The following SYT1 variants were observed in gnomAD, a reference collection of about 807,000 sequenced individuals.
SYT1 encodes the protein synaptotagmin-1.
SYT1 carries 8 observed loss-of-function variants against 44.8 expected under a neutral mutation model. The ratio of observed to expected loss-of-function variants is 0.18; its 90% CI spans 0.10 to 0.32. The LOEUF is 0.32. Ranked by LOEUF, SYT1 falls within the 10% of genes least tolerant of loss-of-function variation. The probability of loss-of-function intolerance (pLI) is 1.00; values close to 1 mark genes in which losing one functional copy is unlikely to be tolerated. For synonymous variants in SYT1, 154 were observed against 188.8 expected, an observed-to-expected ratio of 0.82 and a Z score of 1.51; for missense variants, 286 against 509.3, an observed-to-expected ratio of 0.56 and a Z score of 4.22.
chr12:79,393,347 A>G (rs1884744341), intron 9 of SYT1: 1 of 152,158 alleles, frequency 6.6e-6, no homozygotes, highest in South Asian at 2.1e-4. Flanking sequence ...GTCAAATGGT[A>G]TTTCTAGTTC....
At chr12:79,263,101 C>T (rs189631471) in intron 4 of SYT1, among the ~76,000 whole-genome samples, 1 of 152,208 alleles carries the variant, frequency 6.6e-6, no homozygotes, top group Admixed American at 6.5e-5. Flanking sequence ...GTCTCCAATG[C>T]GTGATAGGAC....
At chr12:79,378,526 T>G (rs911213859) in intron 9 of SYT1, among the ~76,000 whole-genome samples, 1 of 152,232 alleles carries the variant, frequency 6.6e-6, no homozygotes, top group African/African-American at 2.4e-5. Flanking sequence ...GAGGTTAGTT[T>G]AGTGGCCTCA....
chr12:79,088,116 A>G (rs1477729288), intron 3 of SYT1, among the ~76,000 whole-genome samples: 1 of 150,852 alleles, frequency 6.6e-6, no homozygotes, highest in Non-Finnish European at 1.5e-5. Context: ...TGAGATTAAT[A>G]TGTTATTAAC....
chr12:79,312,291 T>G (rs983930000), intron 8 of SYT1, among the ~76,000 whole-genome samples: 1 of 152,196 alleles, frequency 6.6e-6, no homozygotes, highest in African/African-American at 2.4e-5. Context: ...AAATAAGGAC[T>G]TGATTGTCAG....
intron 3 of SYT1, among the ~76,000 whole-genome samples, chr12:79,187,205 C>T (rs1872851480): frequency 6.6e-6 from 1 of 151,968 alleles, no homozygotes; most frequent in Non-Finnish European, 1.5e-5. Context: ...GGCAATACAC[C>T]AGCGAAGAAT....
chr12:79,342,421 G>A (rs1382253559), intron 8 of SYT1, among the ~76,000 whole-genome samples: 1 of 152,114 alleles, frequency 6.6e-6, no homozygotes, highest in African/African-American at 2.4e-5. Context: ...TGTAGAGATA[G>A]AGTCTGGCTT....
At chr12:79,308,644 GAAAGAAAGAA>G (rs1880597355) in intron 8 of SYT1, among the ~76,000 whole-genome samples, 3 of 105,038 alleles carry the variant, frequency 2.9e-5, no homozygotes, top group African/African-American at 1.4e-4. Flanking sequence ...AAGAAAGAAA[GAAAGAAAGAA>G]AGAAAAGAGA....
chr12:79,026,562 T>C (rs1211974426), intron 2 of SYT1, among the ~76,000 whole-genome samples: 1 of 149,886 alleles, frequency 6.7e-6, no homozygotes, highest in African/African-American at 2.4e-5. Context: ...TTTTTAGCTA[T>C]TAGAATATAT....
intron 9 of SYT1, among the ~76,000 whole-genome samples, chr12:79,366,489 C>T (rs1035644065): frequency 6.6e-6 from 1 of 152,256 alleles, no homozygotes; most frequent in African/African-American, 2.4e-5. Flanking sequence ...TTAACAGTTA[C>T]TACAAGGCAA....
At chr12:78,967,389 A>G (rs902036127) in intron 1 of SYT1, among the ~76,000 whole-genome samples, 1 of 152,208 alleles carries the variant, frequency 6.6e-6, no homozygotes, top group Non-Finnish European at 1.5e-5. Flanking sequence ...GACATCAGTT[A>G]TGAAGCTAAA....
At chr12:79,373,761 C>A (rs531443977) in intron 9 of SYT1, among the ~76,000 whole-genome samples, 2 of 151,996 alleles carry the variant, frequency 1.3e-5, no homozygotes, top group South Asian at 2.1e-4. Flanking sequence ...TTTAGAGAAG[C>A]TTTTAGCCAG....
At chr12:79,252,866 T>C (rs1230072407) in intron 4 of SYT1, among the ~76,000 whole-genome samples, 5 of 152,146 alleles carry the variant, frequency 3.3e-5, no homozygotes, top group Non-Finnish European at 7.4e-5. Flanking sequence ...AGAAGGAAGT[T>C]CCAGAGCTAG....
chr12:79,293,987 C>T (rs909697930), intron 6 of SYT1, among the ~76,000 whole-genome samples: 1 of 152,058 alleles, frequency 6.6e-6, no homozygotes, highest in Non-Finnish European at 1.5e-5. Context: ...TAGGAAAGAT[C>T]AAGGACAACT....
chr12:79,283,045 T>C (rs1157500248), intron 4 of SYT1, among the ~76,000 whole-genome samples: 1 of 152,164 alleles, frequency 6.6e-6, no homozygotes, highest in Non-Finnish European at 1.5e-5. Context: ...TCTACACAAT[T>C]AAATAAAATT....
chr12:79,316,280 G>A (rs1268382923), intron 8 of SYT1, among the ~76,000 whole-genome samples: 1 of 152,096 alleles, frequency 6.6e-6, no homozygotes, highest in Non-Finnish European at 1.5e-5. Flanking sequence ...TTTGTGTCTG[G>A]CTTCTTCAGC....
chr12:79,134,544 G>A (rs541425333), intron 3 of SYT1, among the ~76,000 whole-genome samples: 8 of 152,202 alleles, frequency 5.3e-5, no homozygotes, highest in East Asian at 1.9e-4. Flanking sequence ...CAAAGACATC[G>A]CTAGTACTAG....
chr12:79,295,951 T>G, intron 6 of SYT1, 118 bp from the exon 7 acceptor site: 2 of 1,177,622 alleles, frequency 1.7e-6, no homozygotes, highest in African/African-American at 3.1e-5. Flanking sequence ...GAATCAGAGT[T>G]TTATTAAAAA....
At chr12:78,867,616 G>A (rs1873612214) in intron 1 of SYT1, among the ~76,000 whole-genome samples, 3 of 151,688 alleles carry the variant, frequency 2.0e-5, no homozygotes, top group Admixed American at 1.3e-4. Flanking sequence ...ATTATGCCTC[G>A]AGGTATTTTT....
At chr12:79,201,813 G>A (rs1241496641) in intron 3 of SYT1, among the ~76,000 whole-genome samples, 2 of 151,874 alleles carry the variant, frequency 1.3e-5, no homozygotes, top group Non-Finnish European at 2.9e-5. Context: ...ATTATAATAG[G>A]GCTTTTGATA....
Sources: gnomAD v4.1 joint callset for allele counts (sites outside exome capture counted in the v4.1 genomes callset) on GRCh38, gnomAD v4.1.1 for gene constraint, MANE v1.5 for transcripts, NCBI Gene and HGNC (gene_info 2026-07-23, HGNC 2026-07-21) for gene names.